Variants in CDH13 observed in about 807,000 individuals in gnomAD.
CDH13 encodes cadherin 13, also known as cadherin-13.
CDH13 carries 24 observed loss-of-function variants against 63.8 expected under a neutral mutation model. That is an observed-to-expected ratio of 0.38 (90% CI 0.27 to 0.53). CDH13 has a LOEUF of 0.53. Ranked by LOEUF, CDH13 falls within the 20% of genes least tolerant of loss-of-function variation. The pLI is 0.85. For missense variants in CDH13, 1,049 were observed against 903.1 expected, an observed-to-expected ratio of 1.16 and a Z score of -2.07; for synonymous variants, 503 against 355.3, an observed-to-expected ratio of 1.42 and a Z score of -4.67.
At chr16:83,015,624 T>G (rs1319159240) in intron 2 of CDH13, among the ~76,000 whole-genome samples, 1 of 140,748 alleles carries the variant, frequency 7.1e-6, no homozygotes, top group African/African-American at 2.6e-5. Context: ...ATATCACAGT[T>G]GTGGGGACCA....
chr16:83,550,662 G>T (rs775674170), intron 7 of CDH13, among the ~76,000 whole-genome samples: 1 of 152,156 alleles, frequency 6.6e-6, no homozygotes, highest in Non-Finnish European at 1.5e-5. Context: ...AGTTTTCCTT[G>T]TGAAACCTCA....
intron 6 of CDH13, among the ~76,000 whole-genome samples, chr16:83,423,834 C>T (rs1053312481): frequency 3.9e-5 from 6 of 152,228 alleles, no homozygotes; most frequent in Non-Finnish European, 7.3e-5. Context: ...TTTGGAACTT[C>T]AGAGAATGCC....
At chr16:83,764,689 G>A (rs912742129) in intron 11 of CDH13, among the ~76,000 whole-genome samples, 4 of 144,102 alleles carry the variant, frequency 2.8e-5, no homozygotes, top group South Asian at 4.7e-4. Flanking sequence ...CCCTTGCCAC[G>A]GCTGCTCAGC....
chr16:82,811,103 A>G (rs2037419868), intron 1 of CDH13, among the ~76,000 whole-genome samples: 1 of 152,184 alleles, frequency 6.6e-6, no homozygotes, highest in Admixed American at 6.5e-5. Flanking sequence ...GTGGTAATAA[A>G]GAATTTGTCA....
chr16:83,508,151 GGAGGC>G (rs2074465133), intron 7 of CDH13, among the ~76,000 whole-genome samples: 2 of 125,218 alleles, frequency 1.6e-5, no homozygotes, highest in Admixed American at 8.0e-5. Context: ...GGAGGGGAGG[GGAGGC>G]GAGGGGAGGG....
intron 11 of CDH13, among the ~76,000 whole-genome samples, chr16:83,775,465 G>T (rs1422948402): frequency 6.7e-6 from 1 of 149,286 alleles, no homozygotes; most frequent in African/African-American, 2.4e-5. Context: ...AACTCAGCCA[G>T]ACCCCCACAT....
At chr16:82,842,413 G>A (rs1345254094) in intron 1 of CDH13, among the ~76,000 whole-genome samples, 1 of 151,636 alleles carries the variant, frequency 6.6e-6, no homozygotes, top group Non-Finnish European at 1.5e-5. Flanking sequence ...ATCCTCATTT[G>A]TAGTTCTTCA....
chr16:83,659,106 C>G (rs1171274642), intron 8 of CDH13, among the ~76,000 whole-genome samples: 2 of 149,666 alleles, frequency 1.3e-5, no homozygotes, highest in African/African-American at 2.5e-5. Context: ...ACCACCAGGT[C>G]CCATATCCTC....
intron 4 of CDH13, among the ~76,000 whole-genome samples, chr16:83,179,481 TAAAA>T (rs565547312): frequency 5.8e-5 from 4 of 69,086 alleles, no homozygotes; most frequent in Admixed American, 2.8e-4. Flanking sequence ...CCGTCTCTAC[TAAAA>T]AAAAAAAAAA....
At chr16:82,640,178 T>C (rs1216240116) in intron 1 of CDH13, among the ~76,000 whole-genome samples, 1 of 152,220 alleles carries the variant, frequency 6.6e-6, no homozygotes, top group East Asian at 1.9e-4. Flanking sequence ...GACAGTGTTG[T>C]TCTGAGCTTG....
At chr16:82,747,673 A>C (rs2034239063) in intron 1 of CDH13, among the ~76,000 whole-genome samples, 1 of 151,780 alleles carries the variant, frequency 6.6e-6, no homozygotes, top group African/African-American at 2.4e-5. Context: ...GAGTTGAATT[A>C]GTTGTTTAAA....
intron 8 of CDH13, among the ~76,000 whole-genome samples, chr16:83,624,049 G>A (rs866784060): frequency 2.6e-5 from 4 of 152,128 alleles, no homozygotes; most frequent in African/African-American, 2.4e-5. Context: ...CCAGCTTCAG[G>A]TGCAGCTGCG....
intron 1 of CDH13, among the ~76,000 whole-genome samples, chr16:82,745,711 T>G (rs570309113): frequency 6.6e-6 from 1 of 152,328 alleles, no homozygotes; most frequent in Non-Finnish European, 1.5e-5. Flanking sequence ...TGTTATTGTC[T>G]CTTTTCATAA....
rs542378063 is a variant in CDH13 at position 83,045,121 on chromosome 16, C to G, written c.366+12903C>G. 4.6e-5 allele frequency among the ~76,000 whole-genome samples: 7 copies of G among 152,238 alleles called. No individual in the cohort carries two copies. The South Asian group carries it at 1.2e-3, about 27-fold the overall frequency. ...ACTGCCGGCTTTGCGGTCGGCATGA[C>G]TCCTATTAGAGATTAAATGACATAG... is the stretch of plus-strand genomic sequence containing the variant. On this transcript the variant is annotated intron_variant, in intron 3 of 13. Transcript: ENST00000567109.
chr16:82,892,878 A>T (rs1035694818), intron 2 of CDH13, among the ~76,000 whole-genome samples: 2 of 152,160 alleles, frequency 1.3e-5, no homozygotes, highest in Admixed American at 1.3e-4. Flanking sequence ...AAGTATGGTA[A>T]TTATTTTTCA....
chr16:83,510,973 A>G (rs1245034590), intron 7 of CDH13, among the ~76,000 whole-genome samples: 2 of 152,250 alleles, frequency 1.3e-5, no homozygotes, highest in African/African-American at 4.8e-5. Flanking sequence ...ATGTAAGGAC[A>G]TCTAAAGAAG....
At chr16:82,708,049 C>G (rs1279581394) in intron 1 of CDH13, among the ~76,000 whole-genome samples, 1 of 152,146 alleles carries the variant, frequency 6.6e-6, no homozygotes, top group Non-Finnish European at 1.5e-5. Flanking sequence ...GCTCAGACGT[C>G]ACCTTGGGCA....
intron 2 of CDH13, among the ~76,000 whole-genome samples, chr16:82,970,696 C>T (rs987356400): frequency 1.3e-5 from 2 of 152,110 alleles, no homozygotes; most frequent in Non-Finnish European, 2.9e-5. Context: ...TCAGCTTAAA[C>T]CTTACCTGTT....
At chr16:82,846,535 TTAAG>T (rs1416300293) in intron 1 of CDH13, among the ~76,000 whole-genome samples, 1 of 152,172 alleles carries the variant, frequency 6.6e-6, no homozygotes, top group African/African-American at 2.4e-5. Context: ...CAAAGAGAAT[TTAAG>T]TAACTTGCTC....
Sources: gnomAD v4.1 joint callset for allele counts (sites outside exome capture counted in the v4.1 genomes callset) on GRCh38, gnomAD v4.1.1 for gene constraint, MANE v1.5 for transcripts, NCBI Gene and HGNC (gene_info 2026-07-23, HGNC 2026-07-21) for gene names.